CSE1L: variants seen among roughly 807,000 people sequenced by gnomAD.
CSE1L encodes the protein exportin-2.
Under a neutral mutation model 120.4 loss-of-function variants are expected in CSE1L, and 24 were observed. The observed-to-expected ratio is 0.20, with a 90% CI of 0.14 to 0.28. The LOEUF is 0.28. CSE1L is among the 10% of genes least tolerant of loss of function. The pLI, the probability that CSE1L is intolerant of heterozygous loss-of-function variation, is 1.00. For missense variants in CSE1L, 830 were observed against 1,145.2 expected (o/e 0.72, Z 3.97); for synonymous variants, 402 against 398.3 (o/e 1.01, Z -0.11).
rs1434873514 is a variant in CSE1L at position 49,090,798 on chromosome 20, A to G, written c.2238A>G (p.Gln746=). ...KLIASKANDH[Q]GFYLLNSIIE... The stretch of plus-strand genomic sequence containing the variant: ...TTGCATCCAAAGCAAATGACCACCA[A>G]GGTTTTTATCTTCTAAACAGTATAA... The change falls in exon 20 of 25, where the codon CAA becomes CAG. Residue 746 remains glutamine (Q), a synonymous_variant. Coordinates refer to ENST00000262982, the MANE Select transcript of CSE1L (RefSeq NM_001316.4). 2 of 1,613,936 alleles carry G rather than the reference A, an allele frequency of 1.2e-6. No homozygotes were observed. The highest frequency in any genetic ancestry group is 2.7e-5 in the African/African-American group (2 of 74,912).
At chr20:49,075,577 A>G (rs1187554849) in intron 12 of CSE1L, 57 bp downstream of exon 12, 3 of 1,370,822 alleles carry the variant, frequency 2.2e-6, no homozygotes, top group Non-Finnish European at 3.1e-6. Flanking sequence ...CACCCACACA[A>G]GTCAAAAAGA....
At chr20:49,077,398 G>A (rs1024614981) in intron 13 of CSE1L, among the ~76,000 whole-genome samples, 1 of 152,110 alleles carries the variant, frequency 6.6e-6, no homozygotes, top group African/African-American at 2.4e-5. Flanking sequence ...GACCTCAGGT[G>A]ATCCACCTGC....
Position 49,070,270 on chromosome 20 carries a change from A to G in CSE1L, c.741A>G (p.Thr247=). ...TGAATAATTTTCATACTCTCTTAACATTGGATAATAAGCTTTTACAAACTG... is the reference window on the plus strand; with the variant it reads ...TGAATAATTTTCATACTCTCTTAACGTTGGATAATAAGCTTTTACAAACTG... The part of the protein sequence containing the change: ...TWMNNFHTLL[T]LDNKLLQTDD... The change falls in exon 8 of 25, where the codon ACA becomes ACG. Residue 247 remains threonine, a synonymous_variant. Transcript: ENST00000262982. 6.9e-7 allele frequency: 1 copy of G among 1,442,226 alleles called. No individual in the cohort carries two copies. Among genetic ancestry groups the G allele is most frequent in the Non-Finnish European group, 9.6e-7 (1 of 1,044,530 alleles). The allele number at this position is 1,442,226 out of a possible 1,614,324, so 89.3% of individuals were successfully genotyped here.
Position 49,053,347 on chromosome 20 carries a change from C to CTT in CSE1L, c.-11-5079_-11-5078dup, listed in dbSNP as rs11419181. Among the ~76,000 whole-genome samples the CTT allele has an allele frequency of 1.8e-3, 113 of 63,768 alleles. 7 individuals carry two copies. Among genetic ancestry groups the CTT allele is most frequent in the East Asian group, 0.016 (25 of 1,600 alleles). The allele number at this position is 63,768 out of a possible 152,430, so 41.8% of individuals were successfully genotyped here. A position where few individuals can be genotyped will look rare whatever the true frequency, so the allele number is the denominator to read the frequency against. On this transcript the variant is annotated intron_variant, in intron 1 of 24. Transcript: ENST00000262982. ...ATTTAACTTGACCACAGCAAACTAA[C>CTT]TTTTTTTTTTTTTTTTTTTTTTTTT...
At chr20:49,076,209 C>T (rs886464159) in intron 12 of CSE1L, among the ~76,000 whole-genome samples, 1 of 150,354 alleles carries the variant, frequency 6.7e-6, no homozygotes, top group Non-Finnish European at 1.5e-5. Flanking sequence ...TGTTTTGAGA[C>T]GGAGTTTCGC....
Position 49,085,306 on chromosome 20 carries a change from C to T in CSE1L, c.1643C>T (p.Pro548Leu), listed in dbSNP as rs755611263. Residue 548 changes from proline to leucine, a missense_variant, in exon 16 of 25, where the codon CCG (proline) becomes CTG (leucine). Physicochemically the swap from Pro to Leu is moderately conservative, Grantham distance 98 (BLOSUM62 -3). This residue lies in a region of CSE1L where 168 missense variants were observed against 267.9 expected (regional missense o/e 0.63). Coordinates refer to ENST00000262982, the MANE Select transcript of CSE1L (RefSeq NM_001316.4). ...ATLFTAAEIA[P>L]FVEILLTNLF... Reference sequence around the variant, plus strand: ...AGCTTTACAGCTGCAGAAATCGCACCGTTTGTTGAGATTCTGCTAACAAAC... The same window carrying T: ...AGCTTTACAGCTGCAGAAATCGCACTGTTTGTTGAGATTCTGCTAACAAAC... The T allele has an allele frequency of 6.2e-7, 1 of 1,613,774 alleles. No homozygotes were observed. Among genetic ancestry groups the T allele is most frequent in the South Asian group, 1.1e-5 (1 of 91,066 alleles).
rs570956598 is a variant in CSE1L at position 49,061,081 on chromosome 20, T to A, written c.86-2121T>A. Among the ~76,000 whole-genome samples, 5 of 152,282 alleles carry A rather than the reference T, an allele frequency of 3.3e-5. No homozygotes were observed. The East Asian group carries it at 9.6e-4, about 29-fold the overall frequency. On this transcript the variant is annotated intron_variant, in intron 2 of 24. Coordinates refer to ENST00000262982, the MANE Select transcript of CSE1L (RefSeq NM_001316.4). ...AGTTTATTAGTGTATAAAGAAGTAA[T>A]GTGTTCCTGGATAAAGGGAAGTTAA...
chr20:49,060,440 G>A (rs1032988198), intron 2 of CSE1L, among the ~76,000 whole-genome samples: 9 of 149,878 alleles, frequency 6.0e-5, no homozygotes, highest in Admixed American at 1.3e-4. Flanking sequence ...CGAGGCCACT[G>A]CACTCCAGCC....
intron 1 of CSE1L, among the ~76,000 whole-genome samples, chr20:49,048,031 T>A (rs1256750899): frequency 6.6e-6 from 1 of 152,140 alleles, no homozygotes; most frequent in Admixed American, 6.5e-5. Flanking sequence ...CAAGTATTAT[T>A]CTTCCTTGGA....
intron 1 of CSE1L, among the ~76,000 whole-genome samples, chr20:49,058,101 A>G (rs554361890): frequency 2.0e-3 from 305 of 152,008 alleles, no homozygotes; most frequent in African/African-American, 6.8e-3. Context: ...AAGTTCCTCC[A>G]GTGATTTTTT....
intron 14 of CSE1L, among the ~76,000 whole-genome samples, chr20:49,079,506 CT>C (rs1470696954): frequency 1.3e-5 from 2 of 151,504 alleles, no homozygotes. Context: ...GGGATTACAG[CT>C]GTGAGCCACT....
chr20:49,061,322 G>A (rs1368214808), intron 2 of CSE1L, among the ~76,000 whole-genome samples: 6 of 149,196 alleles, frequency 4.0e-5, no homozygotes, highest in Admixed American at 1.3e-4. Flanking sequence ...ACAGGCGCCC[G>A]CCACCATGCC....
Position 49,066,355 on chromosome 20 carries a change from C to G in CSE1L, c.331-10C>G. The stretch of plus-strand genomic sequence containing the variant: ...AAAGCTCTGATCTAATTAATCTTTT[C>G]CTCTCCTAGTTAAGTGATGCAATTA... On this transcript the variant is annotated splice_polypyrimidine_tract_variant and intron_variant, in intron 4 of 24. Coordinates refer to ENST00000262982, the MANE Select transcript of CSE1L (RefSeq NM_001316.4). 1.2e-6 allele frequency: 2 copies of G among 1,614,120 alleles called. No individual in the cohort carries two copies. The highest frequency in any genetic ancestry group is 1.7e-6 in the Non-Finnish European group (2 of 1,180,008).
chr20:49,062,183 A>T (rs1362838741), intron 2 of CSE1L, among the ~76,000 whole-genome samples: 4 of 152,168 alleles, frequency 2.6e-5, no homozygotes, highest in Admixed American at 2.0e-4. Context: ...TTCTGTACTC[A>T]TATAAAACCA....
At chr20:49,086,345 T>G (rs182722189) in intron 16 of CSE1L, among the ~76,000 whole-genome samples, 25 of 150,020 alleles carry the variant, frequency 1.7e-4, no homozygotes, top group Non-Finnish European at 3.1e-4. Context: ...GTGTAATTAT[T>G]GTTGTTTAAT....
chr20:49,088,539 ATACT>A (rs2092077438), intron 17 of CSE1L, among the ~76,000 whole-genome samples: 1 of 152,216 alleles, frequency 6.6e-6, no homozygotes, highest in Non-Finnish European at 1.5e-5. Flanking sequence ...AATTTTACAG[ATACT>A]TAGATTCATG....
intron 8 of CSE1L, among the ~76,000 whole-genome samples, chr20:49,071,544 C>T (rs969282564): frequency 7.9e-5 from 12 of 152,118 alleles, no homozygotes; most frequent in Non-Finnish European, 1.6e-4. Context: ...AGTGCAGTGG[C>T]ATGATCATGA....
intron 1 of CSE1L, among the ~76,000 whole-genome samples, chr20:49,056,353 C>G (rs1415302923): frequency 6.6e-6 from 1 of 152,206 alleles, no homozygotes; most frequent in Non-Finnish European, 1.5e-5. Context: ...ATCCACCCCC[C>G]TCAGCCTCCC....
intron 16 of CSE1L, 109 bp from the exon 17 acceptor site, chr20:49,087,900 C>G: frequency 4.6e-6 from 3 of 651,696 alleles, no homozygotes; most frequent in Non-Finnish European, 7.8e-6. Context: ...GTTGTCTAAG[C>G]ATCTTAAAAT....
Sources: allele counts gnomAD v4.1 joint callset (sites outside exome capture counted in the v4.1 genomes callset), GRCh38; gene constraint gnomAD v4.1.1; regional missense constraint gnomAD v4.1.1; transcripts MANE v1.5; gene names NCBI Gene and HGNC (gene_info 2026-07-23, HGNC 2026-07-21).